The following TRPM3 variants were observed in gnomAD, a reference collection of about 807,000 sequenced individuals.
The protein encoded by TRPM3 is long transient receptor potential channel 3.
A neutral mutation model predicts 181.2 loss-of-function variants in TRPM3; 77 were observed. The ratio of observed to expected loss-of-function variants is 0.42; its 90% CI spans 0.35 to 0.51. The LOEUF is 0.51. Among genes scored for constraint, TRPM3 ranks in the 20% least tolerant of loss-of-function variants. TRPM3 has a pLI of 0.01. For synonymous variants in TRPM3, 745 were observed against 796.4 expected (o/e 0.94, Z 1.09); for missense variants, 1,759 against 2,196.7 (o/e 0.80, Z 3.98).
In TRPM3 at chr9:70,542,632, T is replaced by C. The variant is rs184466503; in HGVS notation, c.3708-5227A>G. Among the ~76,000 whole-genome samples the C allele has an allele frequency of 2.0e-3, 302 of 152,328 alleles. 4 individuals are homozygous for C. The highest frequency in any genetic ancestry group is 3.2e-4 in the Non-Finnish European group (22 of 68,032). ...TCCACATGCAATTTCTTAAGAATTG[T>C]TATGCTATTTTATGGAACTTTATCT... On this transcript the variant is annotated intron_variant, in intron 25 of 25. Transcript: ENST00000677713.
chr9:70,699,897 A>C (rs1290731577), intron 8 of TRPM3, among the ~76,000 whole-genome samples: 1 of 152,186 alleles, frequency 6.6e-6, no homozygotes, highest in Non-Finnish European at 1.5e-5. Context: ...TTGACTTACA[A>C]GAATAAAGGG....
chr9:71,264,493 T>A (rs1204892004), intron 1 of TRPM3, among the ~76,000 whole-genome samples: 1 of 152,164 alleles, frequency 6.6e-6, no homozygotes, highest in East Asian at 1.9e-4. Flanking sequence ...GTCCCCAAAT[T>A]GGCATAAAAA....
intron 1 of TRPM3, among the ~76,000 whole-genome samples, chr9:71,009,480 A>T (rs2097713859): frequency 6.6e-6 from 1 of 152,186 alleles, no homozygotes. Flanking sequence ...TAAGAAAACA[A>T]TTTTATTTAC....
chr9:71,068,688 G>A (rs951460690), intron 1 of TRPM3, among the ~76,000 whole-genome samples: 15 of 152,186 alleles, frequency 9.9e-5, no homozygotes, highest in African/African-American at 2.7e-4. Flanking sequence ...TGGGATAACA[G>A]TGTTCTGGTG....
chr9:71,170,975 C>A (rs1432229123), intron 1 of TRPM3, among the ~76,000 whole-genome samples: 1 of 152,146 alleles, frequency 6.6e-6, no homozygotes, highest in Non-Finnish European at 1.5e-5. Context: ...TTTTTCTCAA[C>A]ATGGAACATC....
At chr9:71,337,108 C>T (rs2090612625) in intron 1 of TRPM3, among the ~76,000 whole-genome samples, 1 of 152,032 alleles carries the variant, frequency 6.6e-6, no homozygotes, top group African/African-American at 2.4e-5. Context: ...AAAATGGGGT[C>T]TAATTAAACT....
chr9:70,930,044 A>T (rs922285109), intron 1 of TRPM3, among the ~76,000 whole-genome samples: 4 of 152,176 alleles, frequency 2.6e-5, no homozygotes, highest in African/African-American at 9.7e-5. Context: ...AGAAAGCACA[A>T]ATCCTAATGG....
At chr9:71,391,357 A>G (rs2093057750) in intron 1 of TRPM3, among the ~76,000 whole-genome samples, 1 of 152,026 alleles carries the variant, frequency 6.6e-6, no homozygotes, top group Non-Finnish European at 1.5e-5. Context: ...ATAATACTCA[A>G]GCAACTACAA....
chr9:71,413,938 A>G (rs572851055), intron 1 of TRPM3, among the ~76,000 whole-genome samples: 10 of 151,248 alleles, frequency 6.6e-5, no homozygotes, highest in Non-Finnish European at 1.3e-4. Flanking sequence ...GAGCATGTTT[A>G]TCTCCTCACT....
chr9:71,269,334 G>C (rs554601505), intron 1 of TRPM3, among the ~76,000 whole-genome samples: 51 of 152,266 alleles, frequency 3.3e-4, no homozygotes, highest in African/African-American at 1.2e-3. Flanking sequence ...GCTAGATTCT[G>C]TTACCATTGA....
chr9:71,017,538 C>T (rs867960283), intron 1 of TRPM3, among the ~76,000 whole-genome samples: 80 of 151,588 alleles, frequency 5.3e-4, no homozygotes, highest in African/African-American at 1.9e-3. Flanking sequence ...ATATTCCATA[C>T]AAATATGACA....
chr9:71,406,357 T>C (rs1163739289), intron 1 of TRPM3, among the ~76,000 whole-genome samples: 1 of 152,162 alleles, frequency 6.6e-6, no homozygotes, highest in Non-Finnish European at 1.5e-5. Context: ...TAACTAAAAT[T>C]GTCCTCAAGG....
intron 5 of TRPM3, among the ~76,000 whole-genome samples, chr9:70,841,624 C>A (rs868082336): frequency 6.9e-5 from 5 of 72,904 alleles, no homozygotes; most frequent in South Asian, 1.1e-3. Context: ...CTATATCCCA[C>A]TATATATATA....
chr9:70,549,290 G>A (rs1413347892), intron 25 of TRPM3, among the ~76,000 whole-genome samples: 3 of 152,156 alleles, frequency 2.0e-5, no homozygotes, highest in African/African-American at 7.2e-5. Context: ...GGCCTGTCCT[G>A]CACTCAAAAT....
At chr9:71,103,328 T>C (rs1434957657) in intron 1 of TRPM3, among the ~76,000 whole-genome samples, 1 of 152,164 alleles carries the variant, frequency 6.6e-6, no homozygotes, top group Non-Finnish European at 1.5e-5. Context: ...AAGAGGAACC[T>C]TAGAACAAAG....
chr9:71,132,718 A>T (rs1234752655), intron 1 of TRPM3, among the ~76,000 whole-genome samples: 2 of 152,208 alleles, frequency 1.3e-5, no homozygotes. Context: ...TTCTTCTATT[A>T]TCCATCAATA....
chr9:71,247,663 T>C (rs1397474447), intron 1 of TRPM3, among the ~76,000 whole-genome samples: 2 of 152,104 alleles, frequency 1.3e-5, no homozygotes, highest in African/African-American at 4.8e-5. Flanking sequence ...TCATATGAGC[T>C]GAACTTTTAT....
At chr9:71,223,439 C>CTT (rs1232866045) in intron 1 of TRPM3, among the ~76,000 whole-genome samples, 2 of 152,232 alleles carry the variant, frequency 1.3e-5, no homozygotes, top group Non-Finnish European at 2.9e-5. Flanking sequence ...CGGTGAGACT[C>CTT]TGAGATGTGT....
intron 9 of TRPM3, among the ~76,000 whole-genome samples, chr9:70,667,160 C>T (rs2061960477): frequency 6.6e-6 from 1 of 151,086 alleles, no homozygotes; most frequent in Non-Finnish European, 1.5e-5. Flanking sequence ...TTTGGCAATC[C>T]TTGGTTAACT....
Sources: gnomAD v4.1 joint callset for allele counts (sites outside exome capture counted in the v4.1 genomes callset) on GRCh38, gnomAD v4.1.1 for gene constraint, MANE v1.5 for transcripts, NCBI Gene and HGNC (gene_info 2026-07-23, HGNC 2026-07-21) for gene names.